Variants in RBFOX1 observed in about 807,000 individuals in gnomAD.
RBFOX1 encodes RNA binding fox-1 homolog 1.
Under a neutral mutation model 57.7 loss-of-function variants are expected in RBFOX1, and 8 were observed. The ratio of observed to expected loss-of-function variants is 0.14; its 90% CI spans 0.08 to 0.25. RBFOX1 has a LOEUF of 0.25. RBFOX1 is among the 10% of genes least tolerant of loss of function. RBFOX1 has a pLI of 1.00. For synonymous variants in RBFOX1, 326 were observed against 222.4 expected, an observed-to-expected ratio of 1.47 and a Z score of -4.15; for missense variants, 611 against 548.5, an observed-to-expected ratio of 1.11 and a Z score of -1.14.
chr16:7,506,156 G>T (rs966462722), intron 4 of RBFOX1, among the ~76,000 whole-genome samples: 11 of 116,772 alleles, frequency 9.4e-5, no homozygotes, highest in African/African-American at 3.5e-4. Context: ...CTGCACTCCA[G>T]CCTGGGTGAC....
At chr16:7,321,476 A>T (rs148908573) in intron 4 of RBFOX1, among the ~76,000 whole-genome samples, 1 of 152,242 alleles carries the variant, frequency 6.6e-6, no homozygotes, top group East Asian at 1.9e-4. Flanking sequence ...AAACAAACAA[A>T]CATGAAATAC....
chr16:7,589,909 CTGGGTGTG>C (rs2094346050), intron 7 of RBFOX1, among the ~76,000 whole-genome samples: 1 of 43,158 alleles, frequency 2.3e-5, no homozygotes, highest in African/African-American at 6.6e-5. Flanking sequence ...GCTGTGTGTG[CTGGGTGTG>C]TGTGTGTGTG....
At chr16:7,393,646 T>A (rs924839326) in intron 4 of RBFOX1, among the ~76,000 whole-genome samples, 1 of 152,088 alleles carries the variant, frequency 6.6e-6, no homozygotes, top group Non-Finnish European at 1.5e-5. Flanking sequence ...CTCAGCCTGA[T>A]CTTGTAAGAA....
intron 3 of RBFOX1, among the ~76,000 whole-genome samples, chr16:6,885,324 C>T (rs1170773513): frequency 6.6e-6 from 1 of 152,186 alleles, no homozygotes; most frequent in Non-Finnish European, 1.5e-5. Context: ...GAGTCAGAAG[C>T]TCTAGGGTTT....
intron 1 of RBFOX1, among the ~76,000 whole-genome samples, chr16:5,277,290 CT>C (rs1303423550): frequency 1.3e-5 from 2 of 151,442 alleles, no homozygotes; most frequent in Non-Finnish European, 2.9e-5. Context: ...AAACAGTGGA[CT>C]TTGGGGGCTC....
chr16:6,707,319 C>G lies in RBFOX1; in HGVS notation c.-16+52669C>G, dbSNP rs185755575. Among the ~76,000 whole-genome samples, 8 of 152,290 alleles carry G rather than the reference C, an allele frequency of 5.3e-5. No homozygotes were observed. In the East Asian group the frequency reaches 1.5e-3, roughly 29 times the overall value. On this transcript the variant is annotated intron_variant, in intron 3 of 15. Coordinates refer to ENST00000550418, the MANE Select transcript of RBFOX1 (RefSeq NM_018723.4). ...TGAGACAGACGCATTTCCTCTCCTCCTCTAGGTAACACACAATGAACATTC... is the reference window on the plus strand; with the variant it reads ...TGAGACAGACGCATTTCCTCTCCTCGTCTAGGTAACACACAATGAACATTC...
chr16:5,267,620 G>A (rs2062894114), intron 1 of RBFOX1, among the ~76,000 whole-genome samples: 1 of 152,148 alleles, frequency 6.6e-6, no homozygotes, highest in Non-Finnish European at 1.5e-5. Context: ...TTTGAGTTGA[G>A]ATAGGGAAAC....
intron 3 of RBFOX1, among the ~76,000 whole-genome samples, chr16:6,928,642 C>T (rs753984843): frequency 5.3e-5 from 8 of 152,146 alleles, no homozygotes; most frequent in Non-Finnish European, 1.2e-4. Flanking sequence ...GCCTTGCATT[C>T]ATGTGGGATT....
intron 2 of RBFOX1, among the ~76,000 whole-genome samples, chr16:6,502,503 T>A (rs62017761): frequency 6.6e-6 from 1 of 151,996 alleles, no homozygotes; most frequent in Non-Finnish European, 1.5e-5. Flanking sequence ...TCTACTATTT[T>A]AAGGATTGTA....
At chr16:7,392,472 C>T (rs183806998) in intron 4 of RBFOX1, among the ~76,000 whole-genome samples, 2 of 152,270 alleles carry the variant, frequency 1.3e-5, no homozygotes, top group African/African-American at 4.8e-5. Flanking sequence ...TTGTAAAACC[C>T]AGGCACTCTT....
chr16:6,017,042 T>C (rs1376772018), upstream of RBFOX1, among the ~76,000 whole-genome samples: 1 of 152,192 alleles, frequency 6.6e-6, no homozygotes, highest in African/African-American at 2.4e-5. Flanking sequence ...CTACAATAAA[T>C]AAATCAGAGC....
At chr16:6,190,642 C>T (rs763779693) in intron 1 of RBFOX1, among the ~76,000 whole-genome samples, 10 of 152,098 alleles carry the variant, frequency 6.6e-5, no homozygotes, top group Non-Finnish European at 1.3e-4. Flanking sequence ...TAACATTTTG[C>T]TTTTGGGGAA....
intron 3 of RBFOX1, among the ~76,000 whole-genome samples, chr16:5,625,841 A>G (rs2048334029): frequency 6.6e-6 from 1 of 151,568 alleles, no homozygotes; most frequent in African/African-American, 2.4e-5. Flanking sequence ...TACAGGTGTG[A>G]GCCACCGTGT....
At chr16:6,483,584 A>G (rs1215491794) in intron 2 of RBFOX1, 1 of 1,399,382 alleles carries the variant, frequency 7.1e-7, no homozygotes, top group Non-Finnish European at 9.5e-7. Flanking sequence ...CTGTCAGGGA[A>G]GGAGAGAAAG....
chr16:5,567,089 C>G (rs1052379288), intron 2 of RBFOX1, among the ~76,000 whole-genome samples: 1 of 152,118 alleles, frequency 6.6e-6, no homozygotes, highest in African/African-American at 2.4e-5. Context: ...AAATGCCACA[C>G]AAAGACCCTC....
At chr16:7,197,061 G>C (rs1383603990) in intron 4 of RBFOX1, among the ~76,000 whole-genome samples, 1 of 152,288 alleles carries the variant, frequency 6.6e-6, no homozygotes, top group Non-Finnish European at 1.5e-5. Flanking sequence ...GTTGCTCCTT[G>C]TGTGCTAGAC....
chr16:5,803,646 G>A (rs894331853), intron 3 of RBFOX1, among the ~76,000 whole-genome samples: 6 of 152,130 alleles, frequency 3.9e-5, no homozygotes, highest in Non-Finnish European at 1.5e-5. Flanking sequence ...AATTAATAAA[G>A]TGCTAGAATT....
At chr16:5,937,400 C>A (rs868057707) in intron 4 of RBFOX1, among the ~76,000 whole-genome samples, 1 of 152,074 alleles carries the variant, frequency 6.6e-6, no homozygotes, top group East Asian at 1.9e-4. Context: ...AGAGTAGAGG[C>A]GTGAACCAAG....
At chr16:6,600,232 C>T (rs538056970) in intron 2 of RBFOX1, among the ~76,000 whole-genome samples, 23 of 152,210 alleles carry the variant, frequency 1.5e-4, no homozygotes, top group African/African-American at 4.8e-4. Context: ...CTGATGAACA[C>T]GAAATCCACC....
Sources: allele counts gnomAD v4.1 joint callset (sites outside exome capture counted in the v4.1 genomes callset), GRCh38; gene constraint gnomAD v4.1.1; transcripts MANE v1.5; gene names NCBI Gene and HGNC (gene_info 2026-07-23, HGNC 2026-07-21).